Variants in CEP164 observed in about 807,000 individuals in gnomAD.
CEP164 encodes centrosomal protein of 164 kDa.
In CEP164, 162 loss-of-function variants were observed where a neutral mutation model predicts 182.7. That is an observed-to-expected ratio of 0.89 (90% CI 0.78 to 1.01). The LOEUF (loss-of-function observed/expected upper bound fraction) is 1.01. Among genes scored for constraint, CEP164 ranks in the 50% least tolerant of loss-of-function variants. CEP164 has a pLI of 0.00. For synonymous variants in CEP164, 661 were observed against 690.0 expected (o/e 0.96, Z 0.66); for missense variants, 1,735 against 1,790.4 (o/e 0.97, Z 0.56).
In CEP164 at chr11:117,392,231, G is replaced by A. The variant is rs1350984931; in HGVS notation, c.2289G>A (p.Val763=). The A allele has an allele frequency of 6.2e-7, 1 of 1,603,428 alleles. No homozygotes were observed. Among genetic ancestry groups the A allele is most frequent in the East Asian group, 2.2e-5 (1 of 44,688 alleles). The part of the protein sequence containing the change: ...EQLEGERKEA[V]ATLEKEHSAE... ...GTCCCTTTGCTCCTCCCCAGGCTGT[G>A]GCAACGCTGGAGAAGGAGCACAGTG... Residue 763 remains valine (V), a synonymous_variant, in exon 18 of 33, where the codon GTG becomes GTA. Coordinates refer to ENST00000278935, the MANE Select transcript of CEP164 (RefSeq NM_014956.5).
chr11:117,405,260 T>C (rs1477836622), intron 27 of CEP164, among the ~76,000 whole-genome samples: 1 of 152,182 alleles, frequency 6.6e-6, no homozygotes, highest in Non-Finnish European at 1.5e-5. Flanking sequence ...GTTTTGTGCT[T>C]GAAACCCAGG....
intron 10 of CEP164, among the ~76,000 whole-genome samples, chr11:117,374,081 TTA>T (rs2135977710): frequency 6.6e-6 from 1 of 152,008 alleles, no homozygotes; most frequent in Admixed American, 6.6e-5. Context: ...AATAATATAA[TTA>T]TATATATAAT....
intron 1 of CEP164, among the ~76,000 whole-genome samples, chr11:117,332,035 G>C (rs932266360): frequency 2.0e-5 from 3 of 150,764 alleles, no homozygotes; most frequent in African/African-American, 7.3e-5. Flanking sequence ...ATATTGCTCA[G>C]GCTGGTCTTG....
chr11:117,383,469 G>A (rs1053767681), intron 14 of CEP164, among the ~76,000 whole-genome samples: 2 of 152,144 alleles, frequency 1.3e-5, no homozygotes, highest in Admixed American at 6.5e-5. Flanking sequence ...CCAAGTTCTG[G>A]CCAAAGGGTC....
chr11:117,374,088 T>TATA (rs1258560382), intron 10 of CEP164, among the ~76,000 whole-genome samples: 2 of 152,038 alleles, frequency 1.3e-5, no homozygotes, highest in African/African-American at 4.8e-5. Flanking sequence ...TAATTATATA[T>TATA]ATAATAACAT....
chr11:117,347,807 A>T (rs1321894575), intron 4 of CEP164, among the ~76,000 whole-genome samples: 1 of 152,068 alleles, frequency 6.6e-6, no homozygotes, highest in Non-Finnish European at 1.5e-5. Context: ...TTGACATCTT[A>T]AACAATACTT....
chr11:117,393,797 C>T (rs907000909), intron 20 of CEP164, among the ~76,000 whole-genome samples: 3 of 152,188 alleles, frequency 2.0e-5, no homozygotes, highest in East Asian at 1.9e-4. Context: ...GAAAGTTCAG[C>T]GACTTGAGTT....
At chr11:117,353,409 C>T (rs535347264) in intron 5 of CEP164, among the ~76,000 whole-genome samples, 6 of 152,190 alleles carry the variant, frequency 3.9e-5, no homozygotes, top group African/African-American at 1.4e-4. Flanking sequence ...GTTTGAATGG[C>T]AAAAGGTGGC....
rs200223232 is a variant in CEP164 at position 117,409,030 on chromosome 11, T to C, written c.3748+2T>C. ...GTGAGTGGTGGCGGCAGCAGAGGAG[T>C]GAGTGGGGGAGATGCGGGGTGAGGA... On this transcript the variant is annotated splice_donor_variant, in intron 29 of 32. Coordinates refer to ENST00000278935, the MANE Select transcript of CEP164 (RefSeq NM_014956.5). LOFTEE classifies it high-confidence loss of function. The surrounding 1 kb of genome is among the most constrained non-coding windows in gnomAD (Gnocchi z 4.4). 7 of 1,612,338 alleles carry C rather than the reference T, an allele frequency of 4.3e-6. No individual in the cohort carries two copies. The East Asian group carries it at 1.3e-4, about 31-fold the overall frequency.
intron 28 of CEP164, 155 bp from the exon 29 acceptor site, chr11:117,408,734 TG>T: frequency 1.1e-6 from 1 of 881,850 alleles, no homozygotes. Context: ...CAAATGGAGA[TG>T]GCCATATTTC....
intron 14 of CEP164, 77 bp from the exon 15 acceptor site, chr11:117,387,126 C>G (rs1458739733): frequency 1.3e-5 from 16 of 1,275,794 alleles, no homozygotes; most frequent in Non-Finnish European, 1.8e-5. Flanking sequence ...TGTGATGTTC[C>G]GTATCCATTC....
chr11:117,347,115 A>C (rs1180102903), intron 4 of CEP164, among the ~76,000 whole-genome samples: 1 of 152,124 alleles, frequency 6.6e-6, no homozygotes, highest in Non-Finnish European at 1.5e-5. Context: ...TATCAGCTGC[A>C]TACTTTCCCG....
chr11:117,408,339 G>C (rs2046948779), intron 28 of CEP164, among the ~76,000 whole-genome samples: 1 of 152,174 alleles, frequency 6.6e-6, no homozygotes, highest in Non-Finnish European at 1.5e-5. Context: ...GTGTGACCAG[G>C]GTGTCAGGAA....
At chr11:117,380,041 C>G (rs547900369) in intron 11 of CEP164, among the ~76,000 whole-genome samples, 34 of 152,006 alleles carry the variant, frequency 2.2e-4, no homozygotes, top group Non-Finnish European at 4.3e-4. Flanking sequence ...AGCGAAGGAG[C>G]ACTTTGTCTT....
chr11:117,322,255 A>T (rs532516311), intron 1 of CEP164, among the ~76,000 whole-genome samples: 1 of 152,130 alleles, frequency 6.6e-6, no homozygotes, highest in Non-Finnish European at 1.5e-5. Context: ...AGCTGGGACT[A>T]CAGGCGTGTA....
chr11:117,342,157 G>A (rs1474735366), intron 3 of CEP164, among the ~76,000 whole-genome samples: 1 of 152,130 alleles, frequency 6.6e-6, no homozygotes, highest in East Asian at 1.9e-4. Context: ...CATAATGGCA[G>A]TGACTAGTTT....
Position 117,351,867 on chromosome 11 carries a change from A to G in CEP164, c.272A>G (p.His91Arg), listed in dbSNP as rs2039675348. The G allele has an allele frequency of 1.9e-6, 3 of 1,613,682 alleles. No individual in the cohort carries two copies. The highest frequency in any genetic ancestry group is 1.7e-6 in the Non-Finnish European group (2 of 1,179,932). Residue 91 changes from histidine to arginine, a missense_variant, in exon 5 of 33, where the codon CAC (histidine) becomes CGC (arginine). By Grantham distance (29) the His-to-Arg change is conservative (BLOSUM62 0). Transcript: ENST00000278935. ...QSMWDHPCDEHYRSLVIQERA... is the reference protein window; with the variant it reads ...QSMWDHPCDERYRSLVIQERA... ...ATGTGGGACCATCCATGTGACGAAC[A>G]CTATCGGAGCTTGGTGATCCAAGAG...
At chr11:117,354,838 G>T (rs1045129021) in intron 5 of CEP164, 2 of 915,382 alleles carry the variant, frequency 2.2e-6, no homozygotes, top group East Asian at 1.3e-4. Context: ...TAGAGGGTGG[G>T]TTTTTGCTGA....
Position 117,409,553 on chromosome 11 carries a change from T to C in CEP164, c.3749-65T>C. ...CCAGTAGGGTCCTCCATGACAGCTG[T>C]GTCTGGGAATGGTCCAGGGTCCTGA... On this transcript the variant is annotated intron_variant, in intron 29 of 32. Transcript: ENST00000278935. The surrounding 1 kb of genome is among the most constrained non-coding windows in gnomAD (Gnocchi z 4.4). 1 of 1,434,232 alleles carries C rather than the reference T, an allele frequency of 7.0e-7. No homozygotes were observed. Among genetic ancestry groups the C allele is most frequent in the Non-Finnish European group, 9.5e-7 (1 of 1,047,890 alleles). The allele number at this position is 1,434,232 out of a possible 1,614,324, so 88.8% of individuals were successfully genotyped here.
Sources: allele counts gnomAD v4.1 joint callset (sites outside exome capture counted in the v4.1 genomes callset), GRCh38; gene constraint gnomAD v4.1.1; non-coding constraint Gnocchi (gnomAD v3.1); transcripts MANE v1.5; gene names NCBI Gene and HGNC (gene_info 2026-07-23, HGNC 2026-07-21).